Variants in QRFPR observed in about 807,000 individuals in gnomAD.
QRFPR encodes pyroglutamylated RF-amide peptide receptor.
Under a neutral mutation model 31.3 loss-of-function variants are expected in QRFPR, and 37 were observed. The observed-to-expected ratio is 1.18, with a 90% CI of 0.91 to 1.56. The LOEUF (loss-of-function observed/expected upper bound fraction) is 1.56. Ranked by LOEUF, QRFPR falls within the 40% of genes most tolerant of loss-of-function variation. The probability of loss-of-function intolerance (pLI) is 0.00; values close to 1 mark genes in which losing one functional copy is unlikely to be tolerated. For synonymous variants in QRFPR, 197 were observed against 192.0 expected, an observed-to-expected ratio of 1.03 and a Z score of -0.22; for missense variants, 542 against 532.5, an observed-to-expected ratio of 1.02 and a Z score of -0.18.
chr4:121,346,181 C>A (rs1725645045), intron 1 of QRFPR, among the ~76,000 whole-genome samples: 1 of 152,310 alleles, frequency 6.6e-6, no homozygotes, highest in Non-Finnish European at 1.5e-5. Flanking sequence ...GATTATAAAA[C>A]AATCTGGCAT....
chr4:121,332,147 C>A (rs1344995185), intron 4 of QRFPR, among the ~76,000 whole-genome samples: 1 of 152,132 alleles, frequency 6.6e-6, no homozygotes, highest in African/African-American at 2.4e-5. Context: ...CACCAAATCA[C>A]CAGACTCCTC....
At chr4:121,360,035 TATGAGTTAGTA>T (rs940734936) in intron 1 of QRFPR, among the ~76,000 whole-genome samples, 45 of 152,302 alleles carry the variant, frequency 3.0e-4, no homozygotes, top group African/African-American at 1.0e-3. Context: ...GTTCCTCTAT[TATGAGTTAGTA>T]ATCTCTGCAC....
At chr4:121,365,534 A>AACT (rs1726086258) in intron 1 of QRFPR, among the ~76,000 whole-genome samples, 2 of 5,440 alleles carry the variant, frequency 3.7e-4, no homozygotes, top group African/African-American at 2.2e-3. Context: ...TATTATATAT[A>AACT]ATATATATTA....
At chr4:121,373,410 T>C (rs937677153) in intron 1 of QRFPR, among the ~76,000 whole-genome samples, 1 of 152,226 alleles carries the variant, frequency 6.6e-6, no homozygotes, top group Non-Finnish European at 1.5e-5. Context: ...CCAGAGGCTG[T>C]CCACAGCATA....
chr4:121,356,196 T>C (rs1305706495), intron 1 of QRFPR, among the ~76,000 whole-genome samples: 2 of 152,220 alleles, frequency 1.3e-5, no homozygotes, highest in Non-Finnish European at 2.9e-5. Context: ...AGTCTATCTA[T>C]CTCTGTCTTT....
chr4:121,361,497 G>A (rs1725991238), intron 1 of QRFPR, among the ~76,000 whole-genome samples: 1 of 150,110 alleles, frequency 6.7e-6, no homozygotes, highest in Admixed American at 6.6e-5. Flanking sequence ...TCTATCCCGT[G>A]TTCCTCAGAA....
chr4:121,378,959 T>C (rs1441069230), intron 1 of QRFPR, among the ~76,000 whole-genome samples: 1 of 152,212 alleles, frequency 6.6e-6, no homozygotes, highest in African/African-American at 2.4e-5. Context: ...TGAAAACTCA[T>C]GTGCTTTTCC....
chr4:121,365,691 C>T (rs1223837953), intron 1 of QRFPR, among the ~76,000 whole-genome samples: 1 of 87,652 alleles, frequency 1.1e-5, no homozygotes, highest in African/African-American at 5.3e-5. Flanking sequence ...ATATATAAAA[C>T]TAGTGTCATC....
chr4:121,351,099 G>A (rs1379499945), intron 1 of QRFPR, among the ~76,000 whole-genome samples: 1 of 152,136 alleles, frequency 6.6e-6, no homozygotes, highest in Non-Finnish European at 1.5e-5. Context: ...AAAGAAAGAA[G>A]GAAAGACAGC....
In QRFPR at chr4:121,350,156, T is replaced by C. The variant is rs1043070768; in HGVS notation, c.341-9546A>G. ...TTTGTCATTTTCATTGGGTAGGGAC[T>C]TGTAAATGATGAATGGATCTTCAGG... On this transcript the variant is annotated intron_variant, in intron 1 of 5. Coordinates refer to ENST00000394427, the MANE Select transcript of QRFPR (RefSeq NM_198179.3). Among the ~76,000 whole-genome samples the C allele has an allele frequency of 3.9e-5, 6 of 152,208 alleles. No individual in the cohort carries two copies. The East Asian group carries it at 1.2e-3, about 29-fold the overall frequency.
intron 1 of QRFPR, among the ~76,000 whole-genome samples, chr4:121,342,616 C>T (rs930931288): frequency 3.3e-5 from 5 of 152,008 alleles, no homozygotes; most frequent in Non-Finnish European, 5.9e-5. Context: ...ATATATGCTG[C>T]TAATTTGTTT....
chr4:121,369,052 G>A (rs962731349), intron 1 of QRFPR, among the ~76,000 whole-genome samples: 11 of 152,062 alleles, frequency 7.2e-5, no homozygotes, highest in African/African-American at 2.2e-4. Flanking sequence ...ATTTAGAGAC[G>A]GAGTCTCACT....
intron 1 of QRFPR, among the ~76,000 whole-genome samples, chr4:121,361,763 T>C (rs17372496): frequency 0.27 from 40,924 of 149,524 alleles, 7,780 homozygotes; most frequent in Non-Finnish European, 0.35. Context: ...TTTCCCAGAC[T>C]AAAATATTTT....
intron 1 of QRFPR, among the ~76,000 whole-genome samples, chr4:121,366,250 G>A (rs1425743943): frequency 1.3e-5 from 2 of 149,700 alleles, no homozygotes; most frequent in African/African-American, 4.9e-5. Context: ...TATGAGCTTG[G>A]GCATTTTACT....
At chr4:121,369,295 T>C (rs1726187595) in intron 1 of QRFPR, 13 of 428,084 alleles carry the variant, frequency 3.0e-5, no homozygotes, top group Non-Finnish European at 5.4e-5. Context: ...TCCCAAAGTG[T>C]TGGGATTACA....
intron 3 of QRFPR, among the ~76,000 whole-genome samples, chr4:121,335,498 C>A (rs1725415241): frequency 6.9e-6 from 1 of 145,284 alleles, no homozygotes; most frequent in African/African-American, 2.5e-5. Context: ...GGCATTGATT[C>A]CAGTGACATC....
intron 1 of QRFPR, among the ~76,000 whole-genome samples, chr4:121,358,649 T>G (rs1405997488): frequency 6.6e-6 from 1 of 152,208 alleles, no homozygotes; most frequent in Non-Finnish European, 1.5e-5. Flanking sequence ...TCTCTTTCCC[T>G]GCACTGCTCT....
rs1725351998 is a variant in QRFPR, at chr4:121,332,736, G to A, written c.797+85C>T. Reference sequence around the variant, plus strand: ...AAGGATGCTTAGACTAAATTACCTAGAGGTTCTGAGAGCCCTGGCAACCAT... The same window carrying A: ...AAGGATGCTTAGACTAAATTACCTAAAGGTTCTGAGAGCCCTGGCAACCAT... On this transcript the variant is annotated intron_variant, in intron 4 of 5. Coordinates refer to ENST00000394427, the MANE Select transcript of QRFPR (RefSeq NM_198179.3). 3 of 985,444 alleles carry A rather than the reference G, an allele frequency of 3.0e-6. No individual in the cohort carries two copies. In the East Asian group the frequency reaches 7.8e-5, roughly 26 times the overall value. The allele number at this position is 985,444 out of a possible 1,614,324, so 61.0% of individuals were successfully genotyped here.
chr4:121,370,231 C>A (rs915613438), intron 1 of QRFPR: 30 of 778,346 alleles, frequency 3.9e-5, no homozygotes, highest in Non-Finnish European at 4.7e-5. Flanking sequence ...GGTGCAGGGT[C>A]CTTGAGGGTA....
Sources: gnomAD v4.1 joint callset for allele counts (sites outside exome capture counted in the v4.1 genomes callset) on GRCh38, gnomAD v4.1.1 for gene constraint, MANE v1.5 for transcripts, NCBI Gene and HGNC (gene_info 2026-07-23, HGNC 2026-07-21) for gene names.